RASAL2: variants seen among roughly 807,000 people sequenced by gnomAD.
RASAL2 encodes ras GTPase-activating protein nGAP.
Under a neutral mutation model 128.9 loss-of-function variants are expected in RASAL2, and 58 were observed. The ratio of observed to expected loss-of-function variants is 0.45; its 90% CI spans 0.36 to 0.56. RASAL2 has a LOEUF of 0.56. Among genes scored for constraint, RASAL2 ranks in the 20% least tolerant of loss-of-function variants. The pLI, the probability that RASAL2 is intolerant of heterozygous loss-of-function variation, is 0.00. For synonymous variants in RASAL2, 561 were observed against 580.8 expected, an observed-to-expected ratio of 0.97 and a Z score of 0.49; for missense variants, 1,360 against 1,601.6, an observed-to-expected ratio of 0.85 and a Z score of 2.57.
chr1:178,190,923 C>A (rs1297802984), intron 1 of RASAL2, among the ~76,000 whole-genome samples: 1 of 152,084 alleles, frequency 6.6e-6, no homozygotes, highest in Non-Finnish European at 1.5e-5. Context: ...AGATGTAAGG[C>A]TTGTCTCTCA....
At chr1:178,438,144 G>GTGTGTGT (rs57340266) in intron 5 of RASAL2, among the ~76,000 whole-genome samples, 2 of 144,594 alleles carry the variant, frequency 1.4e-5, no homozygotes, top group Non-Finnish European at 1.5e-5. Context: ...GTGTGTGTGT[G>GTGTGTGT]GAAAGAAGAA....
At chr1:178,450,725 A>T (rs1290048310) in intron 9 of RASAL2, among the ~76,000 whole-genome samples, 2 of 152,164 alleles carry the variant, frequency 1.3e-5, no homozygotes, top group Non-Finnish European at 2.9e-5. Context: ...CCAAGAATAC[A>T]TACTGCCATC....
At position 178,354,141 on chromosome 1, in the gene RASAL2, G is replaced by A. The variant is rs537575906; in HGVS notation, c.458-35959G>A. Among the ~76,000 whole-genome samples the A allele has an allele frequency of 2.0e-5, 3 of 152,090 alleles. No individual in the cohort carries two copies. In the South Asian group the frequency reaches 6.2e-4, roughly 32 times the overall value. On this transcript the variant is annotated intron_variant, in intron 3 of 17. Transcript: ENST00000367649. ...TCCAGAAATCCTAAAAAAAATATTAGCAAATGGAATAATACATTATGACTA... is the reference window on the plus strand; with the variant it reads ...TCCAGAAATCCTAAAAAAAATATTAACAAATGGAATAATACATTATGACTA...
intron 3 of RASAL2, among the ~76,000 whole-genome samples, chr1:178,351,265 C>A (rs575217311): frequency 6.6e-6 from 1 of 152,292 alleles, no homozygotes; most frequent in South Asian, 2.1e-4. Flanking sequence ...CCCTTGGCCC[C>A]TTCCAAATCT....
chr1:178,291,185 A>G (rs781317981), intron 2 of RASAL2, among the ~76,000 whole-genome samples: 10 of 152,226 alleles, frequency 6.6e-5, no homozygotes, highest in Non-Finnish European at 1.0e-4. Flanking sequence ...GTCAAGAAAC[A>G]TATGTCTCTT....
At chr1:178,413,316 G>A (rs1572030608) in intron 4 of RASAL2, among the ~76,000 whole-genome samples, 1 of 152,290 alleles carries the variant, frequency 6.6e-6, no homozygotes. Context: ...GAGCCTAACT[G>A]ATCAGAAGGA....
At chr1:178,214,939 C>T (rs981126839) in intron 1 of RASAL2, among the ~76,000 whole-genome samples, 10 of 152,166 alleles carry the variant, frequency 6.6e-5, no homozygotes, top group Admixed American at 6.5e-5. Context: ...TTAAATGGGA[C>T]ATATTAACTG....
chr1:178,461,624 G>C (rs1678206358), intron 14 of RASAL2, among the ~76,000 whole-genome samples: 1 of 152,038 alleles, frequency 6.6e-6, no homozygotes, highest in African/African-American at 2.4e-5. Context: ...TTAGAAATTT[G>C]AATTTGAAGA....
At position 178,121,585 on chromosome 1, in the gene RASAL2, A is replaced by T. The variant is rs571662849; in HGVS notation, c.202+26891A>T. Among the ~76,000 whole-genome samples, 41 of 151,972 alleles carry T rather than the reference A, an allele frequency of 2.7e-4. No individual in the cohort carries two copies. The South Asian group carries it at 8.1e-3, about 30-fold the overall frequency. Reference sequence around the variant, plus strand: ...ACTGCAACCTCCATCTCCCGGGTTCAGGTGATTCTCCTGCCTCAGCCTCCT... The same window carrying T: ...ACTGCAACCTCCATCTCCCGGGTTCTGGTGATTCTCCTGCCTCAGCCTCCT... On this transcript the variant is annotated intron_variant, in intron 1 of 17. Transcript: ENST00000367649.
chr1:178,107,524 A>G (rs1571481959), intron 1 of RASAL2, among the ~76,000 whole-genome samples: 1 of 152,170 alleles, frequency 6.6e-6, no homozygotes, highest in Non-Finnish European at 1.5e-5. Flanking sequence ...TATACAATTT[A>G]ATGATATTAA....
chr1:178,396,631 C>T lies in RASAL2; in HGVS notation c.564+6425C>T, dbSNP rs1013185195. On this transcript the variant is annotated intron_variant, in intron 4 of 17. Coordinates refer to ENST00000367649, the MANE Select transcript of RASAL2 (RefSeq NM_170692.4). The stretch of plus-strand genomic sequence containing the variant: ...GAGAATTGCTGGTAAACAATAATAC[C>T]CTTGGTGTGCCTTTCTACCATAAGG... 1.2e-4 allele frequency among the ~76,000 whole-genome samples: 18 copies of T among 151,960 alleles called. 1 individual carries two copies. The highest frequency in any genetic ancestry group is 4.3e-4 in the African/African-American group (18 of 41,468).
At chr1:178,275,780 A>G (rs1340753574) in intron 1 of RASAL2, among the ~76,000 whole-genome samples, 3 of 152,224 alleles carry the variant, frequency 2.0e-5, no homozygotes, top group Non-Finnish European at 4.4e-5. Flanking sequence ...GAGAAGTATC[A>G]CATGTTATCT....
At chr1:178,230,436 C>T (rs1035738949) in intron 1 of RASAL2, among the ~76,000 whole-genome samples, 1 of 152,182 alleles carries the variant, frequency 6.6e-6, no homozygotes, top group African/African-American at 2.4e-5. Flanking sequence ...TCTGGTTACT[C>T]TACATCCTCA....
intron 3 of RASAL2, among the ~76,000 whole-genome samples, chr1:178,313,856 G>T (rs1242603600): frequency 6.6e-6 from 1 of 152,166 alleles, no homozygotes. Context: ...AGGTAAGGAA[G>T]ATAAATTGAA....
chr1:178,347,322 C>T (rs1471622876), intron 3 of RASAL2, among the ~76,000 whole-genome samples: 1 of 152,158 alleles, frequency 6.6e-6, no homozygotes, highest in Non-Finnish European at 1.5e-5. Flanking sequence ...TTTTGTTTCT[C>T]TTTCCCCCTA....
chr1:178,217,683 G>A (rs1378357702), intron 1 of RASAL2, among the ~76,000 whole-genome samples: 1 of 152,148 alleles, frequency 6.6e-6, no homozygotes, highest in Non-Finnish European at 1.5e-5. Flanking sequence ...GCTAAAAACT[G>A]CTAATGATCA....
At position 178,141,193 on chromosome 1, in the gene RASAL2, C is replaced by CTTTT. The variant is rs71297900; in HGVS notation, c.202+46521_202+46524dup. 3.8e-3 allele frequency among the ~76,000 whole-genome samples: 284 copies of CTTTT among 73,920 alleles called. 6 individuals carry two copies. Among genetic ancestry groups the CTTTT allele is most frequent in the Non-Finnish European group, 4.6e-3 (193 of 42,190 alleles). 48.5% of individuals were successfully genotyped at this position (73,920 alleles called of 152,430 possible). A position where few individuals can be genotyped will look rare whatever the true frequency, so the allele number is the denominator to read the frequency against. On this transcript the variant is annotated intron_variant, in intron 1 of 17. Transcript: ENST00000367649. ...CTGGAGACCACTTTTCTTTTCTTTT[C>CTTTT]TTTTTTTTTTTTTTTTTTTTTTTTT...
chr1:178,260,227 C>T (rs1453147163), intron 1 of RASAL2, among the ~76,000 whole-genome samples: 2 of 149,066 alleles, frequency 1.3e-5, no homozygotes, highest in African/African-American at 4.9e-5. Flanking sequence ...GTGGCTGGCG[C>T]CTGTAATCCC....
rs114075173 is a variant in RASAL2 at position 178,413,053 on chromosome 1, C to T, written c.565-7458C>T. 2.1e-3 allele frequency among the ~76,000 whole-genome samples: 312 copies of T among 151,736 alleles called. 1 individual carries two copies. The highest frequency in any genetic ancestry group is 3.8e-3 in the Non-Finnish European group (261 of 67,930). ...TCCTTCCTTCCTTCCGTCTGTCCAT[C>T]CGTCTGTCTGTCTTTTCTTCAGAGT... On this transcript the variant is annotated intron_variant, in intron 4 of 17. Coordinates refer to ENST00000367649, the MANE Select transcript of RASAL2 (RefSeq NM_170692.4).
Sources: allele counts gnomAD v4.1 joint callset (sites outside exome capture counted in the v4.1 genomes callset), GRCh38; gene constraint gnomAD v4.1.1; transcripts MANE v1.5; gene names NCBI Gene and HGNC (gene_info 2026-07-23, HGNC 2026-07-21).